Variants in DLGAP2 observed in about 807,000 individuals in gnomAD.
DLGAP2 encodes the protein DLG associated protein 2, also known as disks large-associated protein 2.
DLGAP2 carries 26 observed loss-of-function variants against 100.3 expected under a neutral mutation model. That is an observed-to-expected ratio of 0.26 (90% CI 0.19 to 0.36). DLGAP2 has a LOEUF of 0.36. Among genes scored for constraint, DLGAP2 ranks in the 10% least tolerant of loss-of-function variants. DLGAP2 has a pLI of 1.00. For synonymous variants in DLGAP2, 886 were observed against 630.1 expected, an observed-to-expected ratio of 1.41 and a Z score of -6.08; for missense variants, 1,858 against 1,453.2, an observed-to-expected ratio of 1.28 and a Z score of -4.53.
intron 2 of DLGAP2, among the ~76,000 whole-genome samples, chr8:1,047,867 C>T (rs1326088819): frequency 6.6e-6 from 1 of 152,312 alleles, no homozygotes; most frequent in Non-Finnish European, 1.5e-5. Context: ...TCTATCGCAG[C>T]ATCCTTGTTA....
chr8:1,575,485 ATTATTT>A (rs1802929207), intron 6 of DLGAP2, among the ~76,000 whole-genome samples: 2 of 142,504 alleles, frequency 1.4e-5, no homozygotes, highest in African/African-American at 5.6e-5. Context: ...TATTATTATT[ATTATTT>A]AAGTTCTAGG....
At position 798,353 on chromosome 8, in the gene DLGAP2, G is replaced by A. The variant is rs550954748; in HGVS notation, c.18+60528G>A. 4.3e-3 allele frequency among the ~76,000 whole-genome samples: 629 copies of A among 145,534 alleles called. 4 individuals are homozygous for A. Among genetic ancestry groups the A allele is most frequent in the Non-Finnish European group, 7.0e-3 (460 of 66,136 alleles). Reference sequence around the variant, plus strand: ...TGAAAGCAAACGCTTGTTGAGTCAGGACCTGCAGCCCCGTGCCCCGGTGCT... The same window carrying A: ...TGAAAGCAAACGCTTGTTGAGTCAGAACCTGCAGCCCCGTGCCCCGGTGCT... On this transcript the variant is annotated intron_variant, in intron 1 of 14. Coordinates refer to ENST00000637795, the MANE Select transcript of DLGAP2 (RefSeq NM_001346810.2).
At chr8:1,521,106 A>C (rs1408792078) in intron 4 of DLGAP2, among the ~76,000 whole-genome samples, 1 of 151,196 alleles carries the variant, frequency 6.6e-6, no homozygotes, top group Non-Finnish European at 1.5e-5. Flanking sequence ...GCGGGAGGTG[A>C]TATGGGGCGT....
chr8:1,085,148 A>G (rs1803932956), intron 2 of DLGAP2, among the ~76,000 whole-genome samples: 1 of 152,244 alleles, frequency 6.6e-6, no homozygotes, highest in Non-Finnish European at 1.5e-5. Flanking sequence ...CCTGTTGGCC[A>G]TTCAAGTGCC....
At chr8:1,193,667 A>G in intron 2 of DLGAP2, among the ~76,000 whole-genome samples, 1 of 152,010 alleles carries the variant, frequency 6.6e-6, no homozygotes, top group East Asian at 1.9e-4. Flanking sequence ...TCTGTGAACG[A>G]TCCCATTGAA....
intron 2 of DLGAP2, among the ~76,000 whole-genome samples, chr8:1,079,006 T>G (rs1374260652): frequency 6.6e-6 from 1 of 152,216 alleles, no homozygotes; most frequent in Non-Finnish European, 1.5e-5. Flanking sequence ...GCTGCACCAT[T>G]TTGTACTCCC....
chr8:1,043,559 T>G (rs1802434136), intron 2 of DLGAP2, among the ~76,000 whole-genome samples: 1 of 151,946 alleles, frequency 6.6e-6, no homozygotes, highest in African/African-American at 2.4e-5. Context: ...AGTAGGTGGC[T>G]GAGAGACCCC....
intron 2 of DLGAP2, among the ~76,000 whole-genome samples, chr8:998,710 C>G (rs1800857337): frequency 6.6e-6 from 1 of 152,164 alleles, no homozygotes; most frequent in Non-Finnish European, 1.5e-5. Flanking sequence ...GGTGAGAATG[C>G]CTGCCCTTTG....
At chr8:1,185,725 ACT>A (rs1472607105) in intron 2 of DLGAP2, among the ~76,000 whole-genome samples, 149 of 44,170 alleles carry the variant, frequency 3.4e-3, no homozygotes, top group East Asian at 0.017. Context: ...ACACACACAC[ACT>A]CACACTCACA....
At chr8:1,234,195 G>A (rs939179416) in intron 2 of DLGAP2, among the ~76,000 whole-genome samples, 3 of 152,198 alleles carry the variant, frequency 2.0e-5, no homozygotes, top group African/African-American at 7.2e-5. Flanking sequence ...TGTCGTAGGT[G>A]GTGCACCTGT....
intron 4 of DLGAP2, among the ~76,000 whole-genome samples, chr8:1,515,224 G>A (rs899488621): frequency 1.3e-5 from 2 of 152,168 alleles, no homozygotes; most frequent in African/African-American, 4.8e-5. Context: ...CACCCACCCT[G>A]CACTTGAGTT....
chr8:768,503 C>G (rs1326969417), intron 1 of DLGAP2, among the ~76,000 whole-genome samples: 1 of 147,296 alleles, frequency 6.8e-6, no homozygotes, highest in Admixed American at 6.9e-5. Flanking sequence ...TGGCTCACTG[C>G]AACCTCCACC....
intron 2 of DLGAP2, among the ~76,000 whole-genome samples, chr8:1,197,806 C>G (rs182928022): frequency 3.3e-5 from 5 of 152,356 alleles, no homozygotes; most frequent in Admixed American, 6.5e-5. Context: ...CCTTTTTCAT[C>G]TCCTGGGCCT....
intron 6 of DLGAP2, 58 bp from the exon 7 acceptor site, chr8:1,626,682 C>T (rs73671261): frequency 0.11 from 172,487 of 1,544,198 alleles, 10,216 homozygotes; most frequent in Non-Finnish European, 0.12. Context: ...GTCATTCCCA[C>T]CTCTGCCCTG....
chr8:1,634,278 T>C (rs972159163), intron 8 of DLGAP2, among the ~76,000 whole-genome samples: 3 of 152,048 alleles, frequency 2.0e-5, no homozygotes, highest in African/African-American at 7.2e-5. Context: ...GTGCTTTTTA[T>C]GTGGTAGATA....
At chr8:804,956 A>C (rs1277686732) in intron 1 of DLGAP2, among the ~76,000 whole-genome samples, 3 of 152,040 alleles carry the variant, frequency 2.0e-5, no homozygotes, top group Non-Finnish European at 2.9e-5. Flanking sequence ...TTTTTTGTAG[A>C]GACGAGGTCT....
chr8:739,487 T>G (rs1820427435), intron 1 of DLGAP2: 1 of 152,256 alleles, frequency 6.6e-6, no homozygotes, highest in East Asian at 1.9e-4. Flanking sequence ...CCAGCGCACC[T>G]TGGAAGGCGC....
At chr8:1,177,761 T>A (rs1294551360) in intron 2 of DLGAP2, among the ~76,000 whole-genome samples, 12 of 152,082 alleles carry the variant, frequency 7.9e-5, no homozygotes, top group Admixed American at 2.0e-4. Context: ...TGCTTCCTGG[T>A]GTGTAGACCA....
chr8:911,231 G>A (rs983089034), intron 2 of DLGAP2, among the ~76,000 whole-genome samples: 1 of 152,120 alleles, frequency 6.6e-6, no homozygotes, highest in Non-Finnish European at 1.5e-5. Flanking sequence ...TGGCCTAAGC[G>A]GTGCGTTTTC....
Sources: allele counts gnomAD v4.1 joint callset (sites outside exome capture counted in the v4.1 genomes callset), GRCh38; gene constraint gnomAD v4.1.1; transcripts MANE v1.5; gene names NCBI Gene and HGNC (gene_info 2026-07-23, HGNC 2026-07-21).